Variants in NAALADL2 observed in about 807,000 individuals in gnomAD.
NAALADL2 encodes N-acetylated alpha-linked acidic dipeptidase like 2.
Under a neutral mutation model 87.2 loss-of-function variants are expected in NAALADL2, and 76 were observed. The ratio of observed to expected loss-of-function variants is 0.87; its 90% confidence interval spans 0.72 to 1.05. The LOEUF (loss-of-function observed/expected upper bound fraction) is 1.05, where lower values mean the gene tolerates loss of function less well. Ranked by LOEUF, NAALADL2 falls within the 50% of genes least tolerant of loss-of-function variation. The pLI is 0.00. For synonymous variants in NAALADL2, 354 were observed against 331.0 expected (o/e 1.07, Z -0.75); for missense variants, 1,089 against 945.8 (o/e 1.15, Z -1.99).
At chr3:175,071,044 C>G (rs1045077883) in intron 1 of NAALADL2, among the ~76,000 whole-genome samples, 1 of 151,984 alleles carries the variant, frequency 6.6e-6, no homozygotes, top group African/African-American at 2.4e-5. Context: ...GTGCTGAGGA[C>G]TTAGCTGGCT....
intron 1 of NAALADL2, among the ~76,000 whole-genome samples, chr3:174,518,849 A>G (rs1415726812): frequency 6.6e-6 from 1 of 152,210 alleles, no homozygotes; most frequent in Non-Finnish European, 1.5e-5. Flanking sequence ...TTCAAAGACC[A>G]TAAGCCTGGT....
intron 5 of NAALADL2, among the ~76,000 whole-genome samples, chr3:175,357,028 G>C (rs1234027578): frequency 6.6e-6 from 1 of 152,114 alleles, no homozygotes; most frequent in African/African-American, 2.4e-5. Context: ...AAACCGAGCT[G>C]TTTTCCTAGT....
At chr3:175,509,623 A>G (rs959815580) in intron 9 of NAALADL2, among the ~76,000 whole-genome samples, 2 of 152,170 alleles carry the variant, frequency 1.3e-5, no homozygotes, top group African/African-American at 4.8e-5. Context: ...TTTTTGTGTC[A>G]TAGACTAACT....
chr3:175,071,334 T>C (rs529268868), intron 1 of NAALADL2, among the ~76,000 whole-genome samples: 2 of 152,250 alleles, frequency 1.3e-5, no homozygotes, highest in East Asian at 3.9e-4. Context: ...TTTACACGAA[T>C]TTTTGGAAAC....
At chr3:174,962,161 G>A (rs932293807) in intron 1 of NAALADL2, among the ~76,000 whole-genome samples, 1 of 151,532 alleles carries the variant, frequency 6.6e-6, no homozygotes, top group African/African-American at 2.4e-5. Flanking sequence ...CAACAGCCAG[G>A]TGCTGTGCAG....
At chr3:174,987,810 A>ATTT (rs1491236816) in intron 1 of NAALADL2, among the ~76,000 whole-genome samples, 1,509 of 127,320 alleles carry the variant, frequency 0.012, 113 homozygotes, top group African/African-American at 0.057. Context: ...ATATATATAT[A>ATTT]ATTATATATA....
At chr3:175,573,716 A>G (rs1334265393) in intron 9 of NAALADL2, among the ~76,000 whole-genome samples, 1 of 152,176 alleles carries the variant, frequency 6.6e-6, no homozygotes, top group Admixed American at 6.5e-5. Context: ...TCCCAGCTTA[A>G]TATAAAATCC....
chr3:175,715,178 A>G (rs1741066521), intron 11 of NAALADL2, among the ~76,000 whole-genome samples: 5 of 152,148 alleles, frequency 3.3e-5, no homozygotes, highest in African/African-American at 1.2e-4. Flanking sequence ...CTAAAGAAGT[A>G]GTTTTATGTC....
intron 1 of NAALADL2, among the ~76,000 whole-genome samples, chr3:175,093,022 T>G (rs1007989329): frequency 3.3e-5 from 5 of 151,870 alleles, no homozygotes; most frequent in African/African-American, 1.2e-4. Flanking sequence ...AGTATATCTC[T>G]TTTAGATAAT....
chr3:175,412,167 G>C (rs990228979), intron 5 of NAALADL2, among the ~76,000 whole-genome samples: 1 of 152,148 alleles, frequency 6.6e-6, no homozygotes, highest in African/African-American at 2.4e-5. Context: ...CTAAGTTGAC[G>C]TCTCAACAAG....
At position 175,105,642 on chromosome 3, in the gene NAALADL2, GACACACACAC is replaced by G. The variant is rs57274941; in HGVS notation, c.545+8383_545+8392del. 9.7e-3 allele frequency among the ~76,000 whole-genome samples: 1,405 copies of G among 144,618 alleles called. 16 individuals are homozygous for G. Among genetic ancestry groups the G allele is most frequent in the Middle Eastern group, 0.043 (12 of 280 alleles). 94.9% of individuals were successfully genotyped at this position (144,618 alleles called of 152,430 possible). ...AGCAAGATATTTGAGAATACACACA[GACACACACAC>G]ACACACACACACACACACACACACA... On this transcript the variant is annotated intron_variant, in intron 2 of 13. Transcript: ENST00000454872.
chr3:175,207,236 C>T (rs189790855), intron 2 of NAALADL2, among the ~76,000 whole-genome samples: 1 of 151,776 alleles, frequency 6.6e-6, no homozygotes, highest in Admixed American at 6.6e-5. Context: ...TTAATATCAG[C>T]AATGTTTTCA....
chr3:175,397,656 C>T (rs1247302194), intron 5 of NAALADL2, among the ~76,000 whole-genome samples: 1 of 152,144 alleles, frequency 6.6e-6, no homozygotes, highest in African/African-American at 2.4e-5. Context: ...AGTGTGATTT[C>T]TGGATAGAAA....
chr3:174,958,562 C>T (rs906348950), intron 1 of NAALADL2, among the ~76,000 whole-genome samples: 1 of 152,016 alleles, frequency 6.6e-6, no homozygotes, highest in African/African-American at 2.4e-5. Context: ...TAACTGATTA[C>T]ACGTGCAGTT....
rs542899763 is a variant in NAALADL2, at chr3:175,434,605, G to T, written c.1091-12624G>T. On this transcript the variant is annotated intron_variant, in intron 5 of 13. Transcript: ENST00000454872. The stretch of plus-strand genomic sequence containing the variant: ...ATAAAATAATGTGTGCTTATGATCT[G>T]GTATGAAGAATTAATGGTTGCATAC... Among the ~76,000 whole-genome samples, 360 of 152,010 alleles carry T rather than the reference G, an allele frequency of 2.4e-3. 2 individuals carry two copies. Among genetic ancestry groups the T allele is most frequent in the African/African-American group, 8.0e-3 (330 of 41,488 alleles).
chr3:175,274,522 T>A (rs1753303135), intron 4 of NAALADL2, among the ~76,000 whole-genome samples: 1 of 152,180 alleles, frequency 6.6e-6, no homozygotes. Context: ...CTTTATTTTG[T>A]TTTAACATGC....
intron 5 of NAALADL2, among the ~76,000 whole-genome samples, chr3:175,326,214 A>G (rs756845683): frequency 9.9e-5 from 15 of 152,242 alleles, no homozygotes; most frequent in Non-Finnish European, 2.1e-4. Context: ...CTTTGTAACA[A>G]CGATGTCCTT....
intron 3 of NAALADL2, among the ~76,000 whole-genome samples, chr3:174,740,742 T>G (rs774761366): frequency 4.0e-5 from 6 of 151,874 alleles, no homozygotes; most frequent in Non-Finnish European, 8.9e-5. Context: ...GCTTTCATTG[T>G]GCTAAACAGT....
chr3:175,221,193 C>T (rs527327779), intron 2 of NAALADL2, among the ~76,000 whole-genome samples: 254 of 78,806 alleles, frequency 3.2e-3, no homozygotes, highest in Non-Finnish European at 4.8e-3. Context: ...AGCAAGACTC[C>T]GTTTTAAAAA....
Sources: gnomAD v4.1 joint callset for allele counts (sites outside exome capture counted in the v4.1 genomes callset) on GRCh38, gnomAD v4.1.1 for gene constraint, MANE v1.5 for transcripts, NCBI Gene and HGNC (gene_info 2026-07-23, HGNC 2026-07-21) for gene names.